The following PKP4 variants were observed in gnomAD, a reference collection of about 807,000 sequenced individuals.
The protein encoded by PKP4 is plakophilin 4.
A neutral mutation model predicts 145.1 loss-of-function variants in PKP4; 90 were observed. The observed-to-expected ratio is 0.62, with a 90% CI of 0.52 to 0.74. PKP4 has a LOEUF of 0.74. Among genes scored for constraint, PKP4 ranks in the 30% least tolerant of loss-of-function variants. The pLI is 0.00. For synonymous variants in PKP4, 563 were observed against 577.2 expected (o/e 0.98, Z 0.35); for missense variants, 1,340 against 1,482.7 (o/e 0.90, Z 1.58).
At chr2:158,495,767 G>A (rs974936797) in intron 1 of PKP4, among the ~76,000 whole-genome samples, 3 of 151,574 alleles carry the variant, frequency 2.0e-5, no homozygotes, top group African/African-American at 7.3e-5. Flanking sequence ...CCAGGAGGCG[G>A]AGGTTGCAGT....
At chr2:158,469,461 A>C (rs575852719) in intron 1 of PKP4, among the ~76,000 whole-genome samples, 1 of 152,248 alleles carries the variant, frequency 6.6e-6, no homozygotes, top group African/African-American at 2.4e-5. Flanking sequence ...ACTGTTGTAC[A>C]TACCTCTGCC....
chr2:158,517,807 C>T (rs945588042), intron 1 of PKP4, among the ~76,000 whole-genome samples: 6 of 151,742 alleles, frequency 4.0e-5, no homozygotes, highest in African/African-American at 1.5e-4. Context: ...AGTCCCAGCT[C>T]CTCGAGAAGC....
rs1271038232 is a variant in PKP4 at position 158,573,791 on chromosome 2, T to C, written c.133-3480T>C. ...GGATTAGGCAAGGGAGAATTCCAAATCAGGCTGACAAAGCCTTGGCCAAGG... is the reference window on the plus strand; with the variant it reads ...GGATTAGGCAAGGGAGAATTCCAAACCAGGCTGACAAAGCCTTGGCCAAGG... On this transcript the variant is annotated intron_variant, in intron 2 of 21. Coordinates refer to ENST00000389759, the MANE Select transcript of PKP4 (RefSeq NM_003628.6). 2.0e-5 allele frequency among the ~76,000 whole-genome samples: 3 copies of C among 152,178 alleles called. No individual in the cohort carries two copies. In the South Asian group the frequency reaches 6.2e-4, roughly 31 times the overall value.
chr2:158,532,694 C>T (rs952378485), intron 1 of PKP4, among the ~76,000 whole-genome samples: 1 of 152,190 alleles, frequency 6.6e-6, no homozygotes, highest in Non-Finnish European at 1.5e-5. Flanking sequence ...ACACCACATT[C>T]CTAGTTATTG....
At chr2:158,625,535 A>G (rs1196905564) in intron 7 of PKP4, 108 bp downstream of exon 7, 16 of 907,750 alleles carry the variant, frequency 1.8e-5, no homozygotes, top group Non-Finnish European at 1.6e-6. Flanking sequence ...CGTGTTTTTA[A>G]TCTCAGATTT....
intron 4 of PKP4, among the ~76,000 whole-genome samples, chr2:158,603,399 G>C (rs2050386950): frequency 6.6e-6 from 1 of 152,084 alleles, no homozygotes; most frequent in South Asian, 2.1e-4. Flanking sequence ...TTCAAAAAAA[G>C]TTATTACGTA....
chr2:158,620,847 T>G, intron 4 of PKP4, 143 bp from the exon 5 acceptor site: 1 of 641,830 alleles, frequency 1.6e-6, no homozygotes, highest in Non-Finnish European at 2.7e-6. Context: ...TAGTTAAGAG[T>G]CAGATGTGCT....
intron 1 of PKP4, among the ~76,000 whole-genome samples, chr2:158,491,056 C>G (rs1694865631): frequency 6.6e-6 from 1 of 152,046 alleles, no homozygotes; most frequent in Non-Finnish European, 1.5e-5. Context: ...ATATTTTTCA[C>G]TTAGTTTATT....
intron 3 of PKP4, among the ~76,000 whole-genome samples, chr2:158,581,653 C>T (rs2048343916): frequency 6.6e-6 from 1 of 152,178 alleles, no homozygotes; most frequent in Non-Finnish European, 1.5e-5. Context: ...GTTCGGTTCC[C>T]TCACACTTGT....
chr2:158,567,904 G>C (rs2047121639), intron 2 of PKP4, among the ~76,000 whole-genome samples: 2 of 152,298 alleles, frequency 1.3e-5, no homozygotes, highest in South Asian at 4.1e-4. Flanking sequence ...CAAGGAATGG[G>C]ATAAGAGAAA....
At chr2:158,473,457 A>G (rs772430128) in intron 1 of PKP4, among the ~76,000 whole-genome samples, 1 of 152,208 alleles carries the variant, frequency 6.6e-6, no homozygotes, top group Non-Finnish European at 1.5e-5. Flanking sequence ...GTACATATAC[A>G]CCGTGCAATA....
chr2:158,507,953 C>T (rs1046725178), intron 1 of PKP4, among the ~76,000 whole-genome samples: 1 of 152,128 alleles, frequency 6.6e-6, no homozygotes, highest in Non-Finnish European at 1.5e-5. Flanking sequence ...ACTTCCTTTA[C>T]CTCTGCTCTG....
At chr2:158,577,194 G>T in intron 2 of PKP4, 77 bp from the exon 3 acceptor site, 1 of 838,532 alleles carries the variant, frequency 1.2e-6, no homozygotes, top group South Asian at 1.6e-5. Flanking sequence ...TGTTTCCTGT[G>T]ACATACATTA....
At chr2:158,457,534 T>A (rs1008018674) in intron 1 of PKP4, 1 of 152,326 alleles carries the variant, frequency 6.6e-6, no homozygotes, top group Non-Finnish European at 1.5e-5. Context: ...CTGTTCGGAT[T>A]CAGAGCTCCC....
At chr2:158,498,364 T>G (rs1227883262) in intron 1 of PKP4, among the ~76,000 whole-genome samples, 1 of 152,220 alleles carries the variant, frequency 6.6e-6, no homozygotes, top group East Asian at 1.9e-4. Flanking sequence ...AATCAAAACC[T>G]ATCCAGATAA....
chr2:158,584,403 G>T (rs2048618859), intron 3 of PKP4, among the ~76,000 whole-genome samples: 1 of 152,214 alleles, frequency 6.6e-6, no homozygotes, highest in South Asian at 2.1e-4. Context: ...CATTCTAGTG[G>T]AAGACTCGGC....
intron 4 of PKP4, among the ~76,000 whole-genome samples, chr2:158,616,159 A>G (rs2051591691): frequency 6.6e-6 from 1 of 152,200 alleles, no homozygotes; most frequent in African/African-American, 2.4e-5. Context: ...TTGGTGCTTC[A>G]TGTTTCCGTC....
At chr2:158,649,858 G>A (rs1034670987) in intron 11 of PKP4, among the ~76,000 whole-genome samples, 7 of 152,216 alleles carry the variant, frequency 4.6e-5, no homozygotes, top group African/African-American at 1.7e-4. Flanking sequence ...CAAATGCTTT[G>A]CAGTTTCTGA....
At chr2:158,590,680 A>G (rs1280807342) in intron 3 of PKP4, among the ~76,000 whole-genome samples, 1 of 152,142 alleles carries the variant, frequency 6.6e-6, no homozygotes, top group East Asian at 1.9e-4. Context: ...TCATAAATGA[A>G]CATGAAACAA....
Sources: gnomAD v4.1 joint callset for allele counts (sites outside exome capture counted in the v4.1 genomes callset) on GRCh38, gnomAD v4.1.1 for gene constraint, MANE v1.5 for transcripts, NCBI Gene and HGNC (gene_info 2026-07-23, HGNC 2026-07-21) for gene names.